Variants in COL15A1 observed in about 807,000 individuals in gnomAD.
The protein encoded by COL15A1 is collagen alpha-1(XV) chain.
A neutral mutation model predicts 165.9 loss-of-function variants in COL15A1; 111 were observed. That is an observed-to-expected ratio of 0.67 (90% CI 0.57 to 0.78). The LOEUF (loss-of-function observed/expected upper bound fraction) is 0.78. Ranked by LOEUF, COL15A1 falls within the 30% of genes least tolerant of loss-of-function variation. COL15A1 has a pLI of 0.00. For synonymous variants in COL15A1, 659 were observed against 674.8 expected, an observed-to-expected ratio of 0.98 and a Z score of 0.36; for missense variants, 1,745 against 1,789.7, an observed-to-expected ratio of 0.98 and a Z score of 0.45.
intron 13 of COL15A1, among the ~76,000 whole-genome samples, chr9:99,022,686 A>G (rs1486812893): frequency 6.6e-6 from 1 of 152,126 alleles, no homozygotes. Context: ...TGTAACCCCC[A>G]AACCCAGCTC....
intron 5 of COL15A1, among the ~76,000 whole-genome samples, chr9:98,989,890 G>A (rs1055899959): frequency 6.6e-6 from 1 of 152,188 alleles, no homozygotes; most frequent in African/African-American, 2.4e-5. Context: ...ACATGGAAGT[G>A]GTTTTGAAAG....
At chr9:99,045,122 A>T (rs60891605) in intron 26 of COL15A1, among the ~76,000 whole-genome samples, 21,500 of 152,016 alleles carry the variant, frequency 0.14, 1,826 homozygotes, top group East Asian at 0.35. Context: ...GGGAGGGGGA[A>T]GAGATTGTGA....
intron 2 of COL15A1, among the ~76,000 whole-genome samples, chr9:98,946,591 G>A (rs1239838001): frequency 7.2e-5 from 11 of 152,322 alleles, no homozygotes; most frequent in Non-Finnish European, 2.9e-5. Flanking sequence ...GACTGTAACT[G>A]GGTAGATCCA....
chr9:99,014,936 T>C (rs1838902855), intron 9 of COL15A1, among the ~76,000 whole-genome samples: 5 of 152,182 alleles, frequency 3.3e-5, no homozygotes, highest in Admixed American at 6.5e-5. Context: ...CAGATATGCA[T>C]TTATCTCCGT....
At chr9:98,974,503 G>T (rs903215890) in intron 2 of COL15A1, among the ~76,000 whole-genome samples, 2 of 152,158 alleles carry the variant, frequency 1.3e-5, no homozygotes, top group African/African-American at 4.8e-5. Flanking sequence ...GCTGACAAAG[G>T]GCAAGGAGGA....
At chr9:98,949,125 T>C (rs1837636489) in intron 2 of COL15A1, among the ~76,000 whole-genome samples, 1 of 152,212 alleles carries the variant, frequency 6.6e-6, no homozygotes, top group Non-Finnish European at 1.5e-5. Flanking sequence ...TTTTACTCGA[T>C]TTTGAACTTT....
intron 2 of COL15A1, among the ~76,000 whole-genome samples, chr9:98,980,084 T>C (rs916234239): frequency 5.9e-5 from 9 of 151,734 alleles, no homozygotes; most frequent in African/African-American, 2.2e-4. Flanking sequence ...CATTTAAGCC[T>C]GGGAGGTGGA....
intron 2 of COL15A1, among the ~76,000 whole-genome samples, chr9:98,947,648 C>T (rs559604895): frequency 6.6e-6 from 1 of 152,270 alleles, no homozygotes; most frequent in South Asian, 2.1e-4. Context: ...CAGCTCACAA[C>T]TTAAAAGCTG....
At position 99,056,183 on chromosome 9, in the gene COL15A1, T is replaced by G; in HGVS notation, c.3193-77T>G. On this transcript the variant is annotated intron_variant, in intron 34 of 41. Coordinates refer to ENST00000375001, the MANE Select transcript of COL15A1 (RefSeq NM_001855.5). ...GGTGTTTATTGATTTCTTTTAAATATTCTCATAAAAGGACTAGATGGGACT... is the reference window on the plus strand; with the variant it reads ...GGTGTTTATTGATTTCTTTTAAATAGTCTCATAAAAGGACTAGATGGGACT... 2.9e-6 allele frequency: 4 copies of G among 1,372,300 alleles called. No homozygotes were observed. The South Asian group carries it at 4.7e-5, about 16-fold the overall frequency. The allele number at this position is 1,372,300 out of a possible 1,614,324, so 85.0% of individuals were successfully genotyped here. A position where few individuals can be genotyped will look rare whatever the true frequency, so the allele number is the denominator to read the frequency against.
At chr9:98,966,596 G>C (rs1588494160) in intron 2 of COL15A1, among the ~76,000 whole-genome samples, 1 of 152,334 alleles carries the variant, frequency 6.6e-6, no homozygotes, top group South Asian at 2.1e-4. Context: ...GTTGCAGAGG[G>C]GAGGAAGATG....
At chr9:99,064,926 A>G (rs745313793) in intron 39 of COL15A1, among the ~76,000 whole-genome samples, 21 of 152,350 alleles carry the variant, frequency 1.4e-4, no homozygotes, top group Non-Finnish European at 2.8e-4. Flanking sequence ...TTCATTGCAG[A>G]AAATGTCAAC....
chr9:99,016,574 TG>T (rs766767349), intron 11 of COL15A1, among the ~76,000 whole-genome samples: 3 of 152,218 alleles, frequency 2.0e-5, no homozygotes, highest in Admixed American at 6.5e-5. Flanking sequence ...TTTCCTCATC[TG>T]TGAAAATGAG....
chr9:99,003,023 G>A (rs571995143), intron 7 of COL15A1, among the ~76,000 whole-genome samples: 1 of 152,352 alleles, frequency 6.6e-6, no homozygotes, highest in Middle Eastern at 3.4e-3. Flanking sequence ...GGAGAGAGAA[G>A]AAGCAGGAAT....
At chr9:99,036,261 G>A (rs563995252) in intron 20 of COL15A1, 52 bp from the exon 21 acceptor site, 3 of 1,613,726 alleles carry the variant, frequency 1.9e-6, no homozygotes, top group South Asian at 1.1e-5. Context: ...GGTTCTGGGA[G>A]CATTATCGCT....
intron 2 of COL15A1, among the ~76,000 whole-genome samples, chr9:98,962,398 G>GT (rs1452736529): frequency 6.6e-6 from 1 of 152,216 alleles, no homozygotes; most frequent in Non-Finnish European, 1.5e-5. Context: ...CCTTGGCTGT[G>GT]TGACACTAGC....
At position 99,016,064 on chromosome 9, in the gene COL15A1, CT is replaced by C; in HGVS notation, c.1593del (p.Asp532MetfsTer26). ...GGTGAAGAGTCCGGCAGCCCTCCCC[CT>C]GATGGGCCACCGCTGCCCCTGCCCA... The part of the protein sequence containing the change: ...AGGEESGSPP[P>X]DGPPLPLPTV... On this transcript the variant is annotated frameshift_variant, in exon 11 of 42. Transcript: ENST00000375001. LOFTEE classifies it high-confidence loss of function. 1.2e-6 allele frequency: 2 copies of C among 1,613,902 alleles called. No individual in the cohort carries two copies. The highest frequency in any genetic ancestry group is 1.7e-5 in the Admixed American group (1 of 60,000).
At chr9:99,007,130 CGCTTGCATTCT>C (rs145346248) in intron 9 of COL15A1, among the ~76,000 whole-genome samples, 3,142 of 152,222 alleles carry the variant, frequency 0.021, 103 homozygotes, top group African/African-American at 0.073. Context: ...AAGAGACAAA[CGCTTGCATTCT>C]TTCAAGTTTC....
intron 2 of COL15A1, among the ~76,000 whole-genome samples, chr9:98,948,786 T>C (rs1257253754): frequency 6.6e-6 from 1 of 152,188 alleles, no homozygotes; most frequent in Admixed American, 6.5e-5. Context: ...GGGATGGTGG[T>C]GTCACAAGTA....
intron 9 of COL15A1, among the ~76,000 whole-genome samples, chr9:99,005,559 C>A (rs1838747199): frequency 6.6e-6 from 1 of 152,196 alleles, no homozygotes; most frequent in African/African-American, 2.4e-5. Flanking sequence ...TCTTCCAGCT[C>A]AGCTGATTCA....
Sources: allele counts gnomAD v4.1 joint callset (sites outside exome capture counted in the v4.1 genomes callset), GRCh38; gene constraint gnomAD v4.1.1; transcripts MANE v1.5; gene names NCBI Gene and HGNC (gene_info 2026-07-23, HGNC 2026-07-21).